UNC5C: variants seen among roughly 807,000 people sequenced by gnomAD.
UNC5C encodes netrin receptor UNC5C.
In UNC5C, 47 loss-of-function variants were observed where a neutral mutation model predicts 99.8. The ratio of observed to expected loss-of-function variants is 0.47; its 90% CI spans 0.37 to 0.60. The LOEUF (loss-of-function observed/expected upper bound fraction) is 0.60, where lower values mean the gene tolerates loss of function less well. UNC5C is among the 20% of genes least tolerant of loss of function. The pLI is 0.00. For missense variants in UNC5C, 1,062 were observed against 1,165.9 expected (o/e 0.91, Z 1.30); for synonymous variants, 487 against 452.2 (o/e 1.08, Z -0.98).
At chr4:95,269,015 G>A (rs1478453756) in intron 4 of UNC5C, among the ~76,000 whole-genome samples, 2 of 152,150 alleles carry the variant, frequency 1.3e-5, no homozygotes. Context: ...CTAGTAGCTG[G>A]GAATCTGCCA....
rs569749043 is a variant in UNC5C, at chr4:95,479,908, C to T, written c.124+68826G>A. ...CTTTTCCATAGAGAACGGGCCTCATCTAATCTGTTGAAGGACTGAATAGAA... is the reference window on the plus strand; with the variant it reads ...CTTTTCCATAGAGAACGGGCCTCATTTAATCTGTTGAAGGACTGAATAGAA... On this transcript the variant is annotated intron_variant, in intron 1 of 15. Coordinates refer to ENST00000453304, the MANE Select transcript of UNC5C (RefSeq NM_003728.4). 6.2e-4 allele frequency among the ~76,000 whole-genome samples: 94 copies of T among 151,894 alleles called. 1 individual carries two copies. The highest frequency in any genetic ancestry group is 1.8e-3 in the African/African-American group (75 of 41,444).
At chr4:95,384,793 G>A (rs372132393) in intron 1 of UNC5C, among the ~76,000 whole-genome samples, 1 of 151,860 alleles carries the variant, frequency 6.6e-6, no homozygotes, top group Non-Finnish European at 1.5e-5. Flanking sequence ...GAGACCAGGA[G>A]AGCCTCTACC....
At chr4:95,477,376 G>A (rs188326603) in intron 1 of UNC5C, among the ~76,000 whole-genome samples, 1 of 152,160 alleles carries the variant, frequency 6.6e-6, no homozygotes, top group African/African-American at 2.4e-5. Context: ...CCAGGCCAAA[G>A]GCTCAAGTAA....
At chr4:95,267,126 G>A (rs1740478197) in intron 4 of UNC5C, among the ~76,000 whole-genome samples, 1 of 152,116 alleles carries the variant, frequency 6.6e-6, no homozygotes, top group Non-Finnish European at 1.5e-5. Flanking sequence ...TTATAACTAT[G>A]CTCATGTTTT....
intron 1 of UNC5C, among the ~76,000 whole-genome samples, chr4:95,496,914 G>T (rs546040707): frequency 1.3e-5 from 2 of 151,982 alleles, no homozygotes; most frequent in East Asian, 1.9e-4. Flanking sequence ...CCACTTAGAA[G>T]TGAGAAAATA....
chr4:95,477,847 G>A (rs1304716159), intron 1 of UNC5C, among the ~76,000 whole-genome samples: 1 of 151,984 alleles, frequency 6.6e-6, no homozygotes, highest in African/African-American at 2.4e-5. Context: ...TAAGAGGACA[G>A]GCTTTGGAGT....
chr4:95,243,777 C>A (rs1739407247), intron 6 of UNC5C, among the ~76,000 whole-genome samples: 1 of 152,168 alleles, frequency 6.6e-6, no homozygotes, highest in Non-Finnish European at 1.5e-5. Flanking sequence ...CAAGTCCCAA[C>A]TACTTAGAGC....
chr4:95,215,806 C>T (rs1016588867), intron 10 of UNC5C, among the ~76,000 whole-genome samples: 9 of 152,028 alleles, frequency 5.9e-5, no homozygotes, highest in African/African-American at 1.4e-4. Context: ...ATGAAGTCGA[C>T]GTCTCTGTGT....
In UNC5C at chr4:95,504,307, G is replaced by A. The variant is rs72661315; in HGVS notation, c.124+44427C>T. The stretch of plus-strand genomic sequence containing the variant: ...TCCCCTCTGAACAAGCTTACCCACC[G>A]CTCAGTTCTAAATACAGCAAAAAAG... On this transcript the variant is annotated intron_variant, in intron 1 of 15. Transcript: ENST00000453304. Among the ~76,000 whole-genome samples, 5 of 152,104 alleles carry A rather than the reference G, an allele frequency of 3.3e-5. No homozygotes were observed. The South Asian group carries it at 8.3e-4, about 25-fold the overall frequency.
intron 1 of UNC5C, among the ~76,000 whole-genome samples, chr4:95,481,305 A>T (rs1226727619): frequency 1.3e-5 from 2 of 152,124 alleles, no homozygotes; most frequent in African/African-American, 4.8e-5. Flanking sequence ...CTTAAAAGGG[A>T]TGTGAAGGAC....
chr4:95,486,892 G>T (rs1721342365), intron 1 of UNC5C, among the ~76,000 whole-genome samples: 1 of 151,704 alleles, frequency 6.6e-6, no homozygotes, highest in South Asian at 2.1e-4. Flanking sequence ...CAATGGTTGG[G>T]AGGTGAAGCC....
At chr4:95,337,420 A>G (rs1743393438) in intron 1 of UNC5C, among the ~76,000 whole-genome samples, 1 of 151,870 alleles carries the variant, frequency 6.6e-6, no homozygotes, top group African/African-American at 2.4e-5. Context: ...AAAGTATTTA[A>G]ATGTTCACAT....
intron 1 of UNC5C, among the ~76,000 whole-genome samples, chr4:95,357,246 C>T (rs1165609225): frequency 6.6e-6 from 1 of 151,870 alleles, no homozygotes; most frequent in African/African-American, 2.4e-5. Flanking sequence ...AAGTGATTCT[C>T]CCACCTCAGC....
intron 2 of UNC5C, among the ~76,000 whole-genome samples, chr4:95,327,582 T>C (rs1474487733): frequency 6.6e-6 from 1 of 152,136 alleles, no homozygotes; most frequent in Non-Finnish European, 1.5e-5. Context: ...TTGGCTTTCA[T>C]TCTAAATTTT....
chr4:95,253,551 C>G (rs942501549), intron 4 of UNC5C, among the ~76,000 whole-genome samples: 6 of 152,202 alleles, frequency 3.9e-5, no homozygotes, highest in Non-Finnish European at 8.8e-5. Context: ...GTGGGGGACA[C>G]TGCTCTCCTC....
intron 1 of UNC5C, among the ~76,000 whole-genome samples, chr4:95,427,382 T>C (rs753935834): frequency 6.6e-6 from 1 of 152,204 alleles, no homozygotes; most frequent in Non-Finnish European, 1.5e-5. Flanking sequence ...AGTTCTACTA[T>C]GGGTAAAATA....
At chr4:95,306,369 A>T (rs372051388) in intron 2 of UNC5C, among the ~76,000 whole-genome samples, 18 of 151,786 alleles carry the variant, frequency 1.2e-4, no homozygotes, top group African/African-American at 4.1e-4. Context: ...TGCCTGGCTA[A>T]TTTTTTGTAT....
intron 1 of UNC5C, among the ~76,000 whole-genome samples, chr4:95,483,154 C>T (rs1009333219): frequency 2.0e-5 from 3 of 151,348 alleles, no homozygotes; most frequent in African/African-American, 4.8e-5. Flanking sequence ...ATTAGACTGC[C>T]CACTGGCAAG....
intron 1 of UNC5C, among the ~76,000 whole-genome samples, chr4:95,482,777 C>T (rs1009449282): frequency 3.3e-5 from 4 of 120,232 alleles, no homozygotes; most frequent in South Asian, 2.6e-4. Context: ...CCAAACACCG[C>T]GTGTTCTCAC....
Sources: gnomAD v4.1 joint callset for allele counts (sites outside exome capture counted in the v4.1 genomes callset) on GRCh38, gnomAD v4.1.1 for gene constraint, MANE v1.5 for transcripts, NCBI Gene and HGNC (gene_info 2026-07-23, HGNC 2026-07-21) for gene names.